NARS2: variants seen among roughly 807,000 people sequenced by gnomAD.
The protein encoded by NARS2 is asparaginyl-tRNA synthetase.
Under a neutral mutation model 62.9 loss-of-function variants are expected in NARS2, and 60 were observed. The observed-to-expected ratio is 0.95, with a 90% CI of 0.77 to 1.18. The LOEUF (loss-of-function observed/expected upper bound fraction) is 1.18. NARS2 is among the 50% of genes most tolerant of loss of function. NARS2 has a pLI of 0.00. For synonymous variants in NARS2, 196 were observed against 200.0 expected, an observed-to-expected ratio of 0.98 and a Z score of 0.17; for missense variants, 619 against 576.4, an observed-to-expected ratio of 1.07 and a Z score of -0.76.
At chr11:78,535,643 T>TG (rs1269554453) in intron 5 of NARS2, among the ~76,000 whole-genome samples, 3 of 152,248 alleles carry the variant, frequency 2.0e-5, no homozygotes, top group Admixed American at 6.5e-5. Context: ...TTTTTTTTTT[T>TG]TGTGAGACAG....
intron 9 of NARS2, among the ~76,000 whole-genome samples, chr11:78,474,291 CAT>C (rs1372717510): frequency 2.0e-5 from 3 of 151,978 alleles, no homozygotes; most frequent in African/African-American, 7.3e-5. Context: ...TAATCAAGTT[CAT>C]AGTCGTAATT....
At chr11:78,551,260 A>C (rs1483493048) in intron 5 of NARS2, among the ~76,000 whole-genome samples, 1 of 152,210 alleles carries the variant, frequency 6.6e-6, no homozygotes, top group Non-Finnish European at 1.5e-5. Context: ...TTGTGCGAAC[A>C]TCACGGAGTC....
chr11:78,552,000 C>T (rs2135493579), intron 5 of NARS2, among the ~76,000 whole-genome samples: 1 of 152,236 alleles, frequency 6.6e-6, no homozygotes, highest in Non-Finnish European at 1.5e-5. Flanking sequence ...AAAACCCCTA[C>T]ATTCATTTTA....
At chr11:78,489,763 G>T (rs1330561423) in intron 7 of NARS2, among the ~76,000 whole-genome samples, 1 of 152,092 alleles carries the variant, frequency 6.6e-6, no homozygotes, top group Non-Finnish European at 1.5e-5. Context: ...TTACCCAAGA[G>T]AAATGAGTCT....
chr11:78,441,038 G>C, intron 13 of NARS2, 53 bp downstream of exon 13: 1 of 1,550,864 alleles, frequency 6.4e-7, no homozygotes, highest in Non-Finnish European at 8.8e-7. Context: ...ACGCTTCTAG[G>C]CAACAGTCAG....
chr11:78,531,846 G>A (rs1861492143), intron 5 of NARS2, among the ~76,000 whole-genome samples: 1 of 152,180 alleles, frequency 6.6e-6, no homozygotes, highest in South Asian at 2.1e-4. Context: ...CATAGAGACA[G>A]ATGGATGAGA....
chr11:78,558,923 G>C (rs1856462078), intron 5 of NARS2, among the ~76,000 whole-genome samples: 1 of 152,088 alleles, frequency 6.6e-6, no homozygotes, highest in South Asian at 2.1e-4. Flanking sequence ...GCGTAAGAGA[G>C]AGCTTAAAAT....
intron 6 of NARS2, among the ~76,000 whole-genome samples, chr11:78,521,245 G>A (rs1304284831): frequency 1.3e-5 from 2 of 151,010 alleles, no homozygotes; most frequent in African/African-American, 4.9e-5. Flanking sequence ...GCTCACTGCA[G>A]TCTACAACTC....
At chr11:78,567,528 T>G (rs919601713) in intron 3 of NARS2, among the ~76,000 whole-genome samples, 7 of 152,144 alleles carry the variant, frequency 4.6e-5, no homozygotes, top group Non-Finnish European at 7.4e-5. Context: ...ACACGGCAAA[T>G]TTTTAGTAAT....
chr11:78,574,646 C>CTG lies in NARS2; in HGVS notation c.-159_-158insCA, dbSNP rs1857064977. Reference sequence around the variant, plus strand: ...CGGCTGCGCGCTTTCTCCTTCAGGACTCCCAGCTCTGTCCCCACAGAACCT... The same window carrying CTG: ...CGGCTGCGCGCTTTCTCCTTCAGGACTGTCCCAGCTCTGTCCCCACAGAACCT... On this transcript the variant is annotated 5_prime_UTR_variant, in exon 1 of 14. Transcript: ENST00000281038. The CTG allele has an allele frequency of 1.4e-6, 1 of 736,876 alleles. No homozygotes were observed. The highest frequency in any genetic ancestry group is 2.2e-6 in the Non-Finnish European group (1 of 463,838). The allele number at this position is 736,876 out of a possible 1,614,324, so 45.6% of individuals were successfully genotyped here. A position where few individuals can be genotyped will look rare whatever the true frequency, so the allele number is the denominator to read the frequency against.
At chr11:78,517,997 A>G (rs1318011815) in intron 6 of NARS2, among the ~76,000 whole-genome samples, 2 of 152,244 alleles carry the variant, frequency 1.3e-5, no homozygotes, top group African/African-American at 2.4e-5. Context: ...CATGAAGTAA[A>G]AGGAATTATT....
At chr11:78,543,476 T>C (rs1427609691) in intron 5 of NARS2, among the ~76,000 whole-genome samples, 1 of 152,208 alleles carries the variant, frequency 6.6e-6, no homozygotes, top group African/African-American at 2.4e-5. Flanking sequence ...TTACTTGAAT[T>C]CTAATGTCCA....
chr11:78,526,352 G>T (rs1861293406), intron 6 of NARS2, among the ~76,000 whole-genome samples: 1 of 152,036 alleles, frequency 6.6e-6, no homozygotes. Flanking sequence ...AATGTTAACT[G>T]TCTAAATTTA....
chr11:78,455,640 A>G (rs1858132383), intron 11 of NARS2, among the ~76,000 whole-genome samples: 1 of 152,158 alleles, frequency 6.6e-6, no homozygotes, highest in South Asian at 2.1e-4. Context: ...TGGTATATCC[A>G]GGAACAAAAC....
intron 6 of NARS2, among the ~76,000 whole-genome samples, chr11:78,497,893 A>C (rs970017018): frequency 4.6e-5 from 7 of 152,188 alleles, no homozygotes; most frequent in African/African-American, 1.7e-4. Flanking sequence ...TATTGCCAAA[A>C]ACTTGTGCCA....
intron 6 of NARS2, among the ~76,000 whole-genome samples, chr11:78,493,446 T>C (rs558331960): frequency 7.2e-5 from 11 of 152,176 alleles, no homozygotes; most frequent in African/African-American, 2.6e-4. Flanking sequence ...TGCTTAAACT[T>C]AGGAGTTCAA....
chr11:78,555,152 C>G (rs951085832), intron 5 of NARS2: 13 of 152,140 alleles, frequency 8.5e-5, no homozygotes, highest in African/African-American at 3.1e-4. Flanking sequence ...TTGAGGATTT[C>G]TGCATCAATG....
At chr11:78,476,849 A>C (rs79929864) in intron 9 of NARS2, among the ~76,000 whole-genome samples, 3,769 of 152,262 alleles carry the variant, frequency 0.025, 158 homozygotes, top group African/African-American at 0.087. Context: ...CAACCACTCT[A>C]CCCTTAATTC....
chr11:78,494,444 G>GTA (rs1169908832), intron 6 of NARS2, among the ~76,000 whole-genome samples: 2 of 141,034 alleles, frequency 1.4e-5, no homozygotes, highest in Non-Finnish European at 3.1e-5. Context: ...GATGGATTTT[G>GTA]TATATATATA....
Sources: gnomAD v4.1 joint callset for allele counts (sites outside exome capture counted in the v4.1 genomes callset) on GRCh38, gnomAD v4.1.1 for gene constraint, MANE v1.5 for transcripts, NCBI Gene and HGNC (gene_info 2026-07-23, HGNC 2026-07-21) for gene names.